Variants in ABI3BP observed in about 807,000 individuals in gnomAD.
The protein encoded by ABI3BP is ABI family member 3 binding protein, also known as target of Nesh-SH3.
In ABI3BP, 216 loss-of-function variants were observed where a neutral mutation model predicts 268.6. The observed-to-expected ratio is 0.80, with a 90% CI of 0.72 to 0.90. The LOEUF (loss-of-function observed/expected upper bound fraction) is 0.90. ABI3BP is among the 40% of genes least tolerant of loss of function. ABI3BP has a pLI of 0.00. For synonymous variants in ABI3BP, 730 were observed against 730.0 expected, an observed-to-expected ratio of 1.00 and a Z score of 0.00; for missense variants, 2,090 against 2,182.4, an observed-to-expected ratio of 0.96 and a Z score of 0.84.
At chr3:100,807,623 A>G (rs903839816) in intron 50 of ABI3BP, among the ~76,000 whole-genome samples, 1 of 152,002 alleles carries the variant, frequency 6.6e-6, no homozygotes, top group Non-Finnish European at 1.5e-5. Context: ...CTGAGGTATG[A>G]GTGAAATATT....
At chr3:100,763,714 G>A (rs1464573867) in intron 63 of ABI3BP, among the ~76,000 whole-genome samples, 1 of 152,156 alleles carries the variant, frequency 6.6e-6, no homozygotes, top group South Asian at 2.1e-4. Context: ...TGAGCCCCAT[G>A]ACCTGTGATT....
At chr3:100,820,105 T>G in intron 40 of ABI3BP, 115 bp downstream of exon 40, 1 of 874,814 alleles carries the variant, frequency 1.1e-6, no homozygotes, top group Non-Finnish European at 1.7e-6. Context: ...TAGCACATCT[T>G]TTGTGCCTTC....
In ABI3BP at chr3:100,789,450, T is replaced by C. The variant is rs561444899; in HGVS notation, c.4087+4A>G. ...TTATTTAAGTCATCAGAGAAACAAC[T>C]TACCAGGTCTGATGTGTGGCTTGTC... On this transcript the variant is annotated splice_donor_region_variant and intron_variant, in intron 56 of 67. Coordinates refer to ENST00000471714, the MANE Select transcript of ABI3BP (RefSeq NM_001375547.2). 2 of 1,597,734 alleles carry C rather than the reference T, an allele frequency of 1.3e-6. No individual in the cohort carries two copies. Among genetic ancestry groups the C allele is most frequent in the Non-Finnish European group, 1.7e-6 (2 of 1,171,422 alleles).
Position 100,891,979 on chromosome 3 carries a change from G to C in ABI3BP, c.462-5656C>G, listed in dbSNP as rs1027672111. ...CAGCCTGAAGCTGAGAAATGGACAC[G>C]CTGCATTTTAAATCCCATTCCATTG... On this transcript the variant is annotated intron_variant, in intron 4 of 67. Coordinates refer to ENST00000471714, the MANE Select transcript of ABI3BP (RefSeq NM_001375547.2). 3.3e-5 allele frequency among the ~76,000 whole-genome samples: 5 copies of C among 152,308 alleles called. No individual in the cohort carries two copies. The South Asian group carries it at 1.0e-3, about 32-fold the overall frequency.
intron 4 of ABI3BP, among the ~76,000 whole-genome samples, chr3:100,889,635 T>C (rs929193942): frequency 2.0e-5 from 3 of 152,156 alleles, no homozygotes; most frequent in African/African-American, 7.2e-5. Context: ...ACTAGACTTC[T>C]AGAAAGCCTG....
intron 2 of ABI3BP, among the ~76,000 whole-genome samples, chr3:100,909,137 G>A (rs1336288826): frequency 6.6e-6 from 1 of 152,124 alleles, no homozygotes; most frequent in Admixed American, 6.5e-5. Flanking sequence ...TGACAAACCT[G>A]ACAAAAACAA....
intron 29 of ABI3BP, 31 bp downstream of exon 29, chr3:100,834,653 C>A: frequency 6.5e-7 from 1 of 1,528,448 alleles, no homozygotes; most frequent in Non-Finnish European, 8.8e-7. Flanking sequence ...CAATGGGATG[C>A]CACAGGGACA....
Position 100,850,013 on chromosome 3 carries a change from G to T in ABI3BP, c.1501+32C>A, listed in dbSNP as rs377292812. On this transcript the variant is annotated intron_variant, in intron 17 of 67. Transcript: ENST00000471714. ...TTCTCACATTACCTGTTTCGTCAAT[G>T]CATACATAACTACATAAATGTCATT... 365 of 1,572,100 alleles carry T rather than the reference G, an allele frequency of 2.3e-4. 1 individual carries two copies. The highest frequency in any genetic ancestry group is 1.6e-3 in the Admixed American group (92 of 57,904).
At chr3:100,914,466 A>C (rs755333299) in intron 2 of ABI3BP, 56 of 455,242 alleles carry the variant, frequency 1.2e-4, no homozygotes, top group South Asian at 5.7e-4. Flanking sequence ...AACAATGCAA[A>C]AATGACTAGG....
Position 100,987,674 on chromosome 3 carries a change from T to C in ABI3BP, c.79+5632A>G, listed in dbSNP as rs76520855. ...ATTATTAAGGATTATTAACAGTCAA[T>C]TAAAGATTATTGTGGAAAATTTTTA... On this transcript the variant is annotated intron_variant, in intron 1 of 67. Coordinates refer to ENST00000471714, the MANE Select transcript of ABI3BP (RefSeq NM_001375547.2). Among the ~76,000 whole-genome samples, 29 of 152,330 alleles carry C rather than the reference T, an allele frequency of 1.9e-4. No individual in the cohort carries two copies. In the East Asian group the frequency reaches 5.6e-3, roughly 29 times the overall value.
chr3:100,955,054 C>T (rs944297162), intron 1 of ABI3BP, among the ~76,000 whole-genome samples: 32 of 127,314 alleles, frequency 2.5e-4, no homozygotes, highest in African/African-American at 9.0e-4. Flanking sequence ...TAAGACATGT[C>T]TCTTCTCATA....
intron 37 of ABI3BP, 148 bp from the exon 38 acceptor site, chr3:100,822,820 C>A: frequency 1.7e-6 from 1 of 594,752 alleles, no homozygotes. Context: ...CCTTATAGAT[C>A]TTTTATCATA....
At chr3:100,865,506 A>T (rs1047497643) in intron 10 of ABI3BP, among the ~76,000 whole-genome samples, 1 of 152,218 alleles carries the variant, frequency 6.6e-6, no homozygotes, top group Non-Finnish European at 1.5e-5. Flanking sequence ...AAGCTCAATT[A>T]AAAAGCTCAC....
At chr3:100,849,503 C>T (rs775453967) in intron 17 of ABI3BP, among the ~76,000 whole-genome samples, 4 of 152,114 alleles carry the variant, frequency 2.6e-5, no homozygotes, top group Admixed American at 6.5e-5. Context: ...GGATTACAGG[C>T]GTGAGGCACC....
In ABI3BP at chr3:100,812,542, T is replaced by A; in HGVS notation, c.3365-19A>T. On this transcript the variant is annotated intron_variant, in intron 45 of 67. Transcript: ENST00000471714. ...TCAGAAACTAGTAAAAAACAGAAAA[T>A]GGTACAATTGATAAAGGATAGGTTG... 3.1e-6 allele frequency: 4 copies of A among 1,305,932 alleles called. No homozygotes were observed. The highest frequency in any genetic ancestry group is 3.9e-6 in the Non-Finnish European group (4 of 1,025,744). The allele number at this position is 1,305,932 out of a possible 1,614,324, so 80.9% of individuals were successfully genotyped here.
At chr3:100,923,179 C>A (rs960171221) in intron 2 of ABI3BP, among the ~76,000 whole-genome samples, 1 of 152,088 alleles carries the variant, frequency 6.6e-6, no homozygotes, top group Non-Finnish European at 1.5e-5. Flanking sequence ...GAATCTTTAT[C>A]CCTAGGTTCT....
rs559482585 is a variant in ABI3BP at position 100,968,506 on chromosome 3, C to CA, written c.79+24799dup. 1.3e-4 allele frequency among the ~76,000 whole-genome samples: 20 copies of CA among 152,140 alleles called. No homozygotes were observed. In the South Asian group the frequency reaches 4.2e-3, roughly 32 times the overall value. ...AAGTGAAAACTCAGATCTTAAAAACCATCTCACAAAATTAAAGGTAATCAT... is the reference window on the plus strand; with the variant it reads ...AAGTGAAAACTCAGATCTTAAAAACCAATCTCACAAAATTAAAGGTAATCAT... On this transcript the variant is annotated intron_variant, in intron 1 of 67. Transcript: ENST00000471714.
intron 2 of ABI3BP, among the ~76,000 whole-genome samples, chr3:100,926,041 T>C (rs1391351620): frequency 6.6e-6 from 1 of 152,092 alleles, no homozygotes; most frequent in Non-Finnish European, 1.5e-5. Flanking sequence ...TCCCAGACAT[T>C]TCAGCTGTTT....
chr3:100,881,031 C>A (rs1169374919), intron 6 of ABI3BP, among the ~76,000 whole-genome samples: 1 of 152,116 alleles, frequency 6.6e-6, no homozygotes, highest in Non-Finnish European at 1.5e-5. Context: ...GGTTTTAATT[C>A]ACTTCTAGGA....
Sources: gnomAD v4.1 joint callset for allele counts (sites outside exome capture counted in the v4.1 genomes callset) on GRCh38, gnomAD v4.1.1 for gene constraint, MANE v1.5 for transcripts, NCBI Gene and HGNC (gene_info 2026-07-23, HGNC 2026-07-21) for gene names.